The following STX18 variants were observed in gnomAD, a reference collection of about 807,000 sequenced individuals.
STX18 encodes the protein syntaxin 18, also known as syntaxin-18.
In STX18, 40 loss-of-function variants were observed where a neutral mutation model predicts 50.1. The ratio of observed to expected loss-of-function variants is 0.80; its 90% CI spans 0.62 to 1.04. The LOEUF is 1.04. Ranked by LOEUF, STX18 falls within the 50% of genes least tolerant of loss-of-function variation. STX18 has a pLI of 0.00. For synonymous variants in STX18, 158 were observed against 151.8 expected (o/e 1.04, Z -0.30); for missense variants, 410 against 415.8 (o/e 0.99, Z 0.12).
chr4:4,522,041 C>A (rs1730531341), intron 1 of STX18, among the ~76,000 whole-genome samples: 1 of 152,096 alleles, frequency 6.6e-6, no homozygotes, highest in Non-Finnish European at 1.5e-5. Flanking sequence ...ACACAAAAGA[C>A]CGCAACATGG....
At chr4:4,465,925 A>G (rs533994562) in intron 2 of STX18, among the ~76,000 whole-genome samples, 2 of 152,342 alleles carry the variant, frequency 1.3e-5, no homozygotes, top group African/African-American at 4.8e-5. Context: ...GGCATAGTCT[A>G]TGGCACATGG....
In STX18 at chr4:4,470,936, C is replaced by G. The variant is rs545273539; in HGVS notation, c.236+703G>C. ...GGGCTTACTCAGGTGGTGACATAAT[C>G]CAATTAAAGTTTAAAAAAGACTCTG... is the stretch of plus-strand genomic sequence containing the variant. On this transcript the variant is annotated intron_variant, in intron 2 of 10. Transcript: ENST00000306200. Among the ~76,000 whole-genome samples, 40 of 152,184 alleles carry G rather than the reference C, an allele frequency of 2.6e-4. No homozygotes were observed. In the South Asian group the frequency reaches 7.5e-3, roughly 28 times the overall value.
intron 1 of STX18, among the ~76,000 whole-genome samples, chr4:4,494,919 G>T (rs1253445265): frequency 6.6e-6 from 1 of 152,210 alleles, no homozygotes; most frequent in Admixed American, 6.5e-5. Context: ...GAAGAGGGAA[G>T]ATCTGATTGG....
intron 1 of STX18, among the ~76,000 whole-genome samples, chr4:4,529,535 C>A (rs1237909017): frequency 2.6e-5 from 4 of 151,928 alleles, no homozygotes; most frequent in Non-Finnish European, 4.4e-5. Flanking sequence ...AAGAGCAAAT[C>A]CCCAGAGGCG....
Position 4,529,886 on chromosome 4 carries a change from T to C in STX18, c.168+11911A>G, listed in dbSNP as rs79480811. Among the ~76,000 whole-genome samples, 1,123 of 152,210 alleles carry C rather than the reference T, an allele frequency of 7.4e-3. 13 individuals carry two copies. Among genetic ancestry groups the C allele is most frequent in the African/African-American group, 0.025 (1,031 of 41,530 alleles). ...AGAATAACAACCAGAAACTAAGACA[T>C]CAATGCAACATTTGTGGATGATTTT... On this transcript the variant is annotated intron_variant, in intron 1 of 10. Coordinates refer to ENST00000306200, the MANE Select transcript of STX18 (RefSeq NM_016930.4).
At chr4:4,502,645 C>T (rs1257529482) in intron 1 of STX18, among the ~76,000 whole-genome samples, 1 of 152,122 alleles carries the variant, frequency 6.6e-6, no homozygotes, top group Admixed American at 6.5e-5. Context: ...AAAAAATACA[C>T]AGCTCTTTGC....
chr4:4,467,569 C>G (rs973350469), intron 2 of STX18, among the ~76,000 whole-genome samples: 1 of 152,170 alleles, frequency 6.6e-6, no homozygotes, highest in African/African-American at 2.4e-5. Context: ...CAGCTGTGAT[C>G]TTCAGGTTAT....
chr4:4,496,855 C>G (rs1729198649), intron 1 of STX18, among the ~76,000 whole-genome samples: 1 of 152,146 alleles, frequency 6.6e-6, no homozygotes, highest in South Asian at 2.1e-4. Context: ...GAACAGATGC[C>G]TGAAATAACT....
chr4:4,436,256 G>A (rs1257329381), intron 6 of STX18, among the ~76,000 whole-genome samples: 1 of 152,178 alleles, frequency 6.6e-6, no homozygotes, highest in Non-Finnish European at 1.5e-5. Flanking sequence ...GTGCATGCAG[G>A]CTTTTAGAAA....
intron 2 of STX18, 22 bp downstream of exon 2, chr4:4,471,617 T>G (rs1384614654): frequency 6.7e-7 from 1 of 1,498,642 alleles, no homozygotes; most frequent in Non-Finnish European, 9.0e-7. Flanking sequence ...ACCAAAGTCC[T>G]GGTAAAAAAA....
intron 8 of STX18, among the ~76,000 whole-genome samples, chr4:4,424,923 G>T (rs76513185): frequency 6.6e-6 from 1 of 152,292 alleles, no homozygotes; most frequent in East Asian, 1.9e-4. Context: ...CTCTCGGGGT[G>T]GGAAGCACCT....
chr4:4,538,291 G>A (rs1223833260), intron 1 of STX18, among the ~76,000 whole-genome samples: 1 of 152,152 alleles, frequency 6.6e-6, no homozygotes, highest in Non-Finnish European at 1.5e-5. Flanking sequence ...TGGCTTCCAT[G>A]ATCACAAGGA....
chr4:4,481,241 TC>T (rs1267327272), intron 1 of STX18, among the ~76,000 whole-genome samples: 1 of 152,198 alleles, frequency 6.6e-6, no homozygotes, highest in Admixed American at 6.5e-5. Context: ...CCTTTGCTGA[TC>T]ACAGCAGTGG....
At chr4:4,436,176 T>A (rs1725765182) in intron 6 of STX18, among the ~76,000 whole-genome samples, 1 of 152,232 alleles carries the variant, frequency 6.6e-6, no homozygotes, top group Non-Finnish European at 1.5e-5. Flanking sequence ...AGGCAGGCCA[T>A]GCCTGAAAGT....
At chr4:4,494,636 CT>C (rs1232164659) in intron 1 of STX18, among the ~76,000 whole-genome samples, 4 of 152,040 alleles carry the variant, frequency 2.6e-5, no homozygotes, top group Non-Finnish European at 4.4e-5. Flanking sequence ...TGTTCTTCCC[CT>C]GATGCAAAAA....
chr4:4,471,014 A>C (rs1175390022), intron 2 of STX18, among the ~76,000 whole-genome samples: 4 of 152,206 alleles, frequency 2.6e-5, no homozygotes, highest in African/African-American at 9.7e-5. Flanking sequence ...AACATGAGTA[A>C]CATTAGGGGA....
chr4:4,495,762 A>G (rs1451701046), intron 1 of STX18, among the ~76,000 whole-genome samples: 3 of 152,092 alleles, frequency 2.0e-5, no homozygotes, highest in Non-Finnish European at 1.5e-5. Flanking sequence ...AAACAGGAAA[A>G]TGATCTAATA....
rs73084392 is a variant in STX18, at chr4:4,420,418, C to T, written c.913-289G>A. On this transcript the variant is annotated intron_variant, in intron 10 of 10. Transcript: ENST00000306200. The surrounding 1 kb of genome is among the most constrained non-coding windows in gnomAD (Gnocchi z 4.3). ...TTAAGGGCCCCGAGCAGAGTGTGAC[C>T]GCAAGCTTTGTGTTTCCCAGTAACA... The T allele has an allele frequency of 1.4e-4, 62 of 437,056 alleles. No individual in the cohort carries two copies. Among genetic ancestry groups the T allele is most frequent in the African/African-American group, 9.1e-4 (46 of 50,672 alleles). The allele number at this position is 437,056 out of a possible 1,614,324, so 27.1% of individuals were successfully genotyped here.
At chr4:4,507,622 G>A in intron 1 of STX18, 1 of 768,462 alleles carries the variant, frequency 1.3e-6, no homozygotes, top group Non-Finnish European at 2.4e-6. Context: ...GAAATTGTGG[G>A]CAAGAGAATT....
Sources: allele counts gnomAD v4.1 joint callset (sites outside exome capture counted in the v4.1 genomes callset), GRCh38; gene constraint gnomAD v4.1.1; non-coding constraint Gnocchi (gnomAD v3.1); transcripts MANE v1.5; gene names NCBI Gene and HGNC (gene_info 2026-07-23, HGNC 2026-07-21).